Variants in CAST observed in about 807,000 individuals in gnomAD.
CAST encodes calpastatin.
In CAST, 76 loss-of-function variants were observed where a neutral mutation model predicts 119.6. That is an observed-to-expected ratio of 0.64 (90% CI 0.53 to 0.77). The LOEUF (loss-of-function observed/expected upper bound fraction) is 0.77, where lower values mean the gene tolerates loss of function less well. Among genes scored for constraint, CAST ranks in the 30% least tolerant of loss-of-function variants. The pLI is 0.00. For synonymous variants in CAST, 319 were observed against 331.6 expected, an observed-to-expected ratio of 0.96 and a Z score of 0.41; for missense variants, 953 against 946.5, an observed-to-expected ratio of 1.01 and a Z score of -0.09.
intron 1 of CAST, among the ~76,000 whole-genome samples, chr5:96,595,828 A>G (rs926448017): frequency 5.3e-5 from 8 of 152,258 alleles, no homozygotes; most frequent in African/African-American, 1.7e-4. Flanking sequence ...TCAACATAAC[A>G]TATTAGACCC....
the CAST span, among the ~76,000 whole-genome samples, chr5:96,310,944 A>G: frequency 2.0e-5 from 3 of 149,570 alleles, no homozygotes; most frequent in Admixed American, 6.7e-5. Context: ...CTGCTCTGAT[A>G]TGTATTATTT....
intron 1 of CAST, among the ~76,000 whole-genome samples, chr5:96,622,782 T>A (rs73134542): frequency 0.033 from 5,048 of 151,980 alleles, 293 homozygotes; most frequent in African/African-American, 0.11. Flanking sequence ...CTTAAGATTC[T>A]ATTTACAGTT....
chr5:96,212,250 A>G, the CAST span, among the ~76,000 whole-genome samples: 7 of 152,086 alleles, frequency 4.6e-5, no homozygotes, highest in Non-Finnish European at 8.8e-5. Context: ...TCTCTGTTCT[A>G]ATGTAAGCAT....
intron 2 of CAST, among the ~76,000 whole-genome samples, chr5:96,687,856 T>G (rs1217702276): frequency 6.6e-6 from 1 of 152,206 alleles, no homozygotes; most frequent in Non-Finnish European, 1.5e-5. Flanking sequence ...CCTGTGTACT[T>G]TCTTAATACA....
At position 96,741,343 on chromosome 5, in the gene CAST, G is replaced by GAA; in HGVS notation, c.999_1000dup (p.Thr334LysfsTer11). On this transcript the variant is annotated frameshift_variant, in exon 14 of 32. Coordinates refer to ENST00000675179, the MANE Select transcript of CAST (RefSeq NM_001750.7). LOFTEE classifies it high-confidence loss of function. ...GTGGGTCGCCTACAGCTGCTGGAAA[G>GAA]AAAACTGAAAAAGAGGTATTGTTTT... The GAA allele has an allele frequency of 1.2e-6, 2 of 1,609,348 alleles. No homozygotes were observed. Among genetic ancestry groups the GAA allele is most frequent in the Non-Finnish European group, 1.7e-6 (2 of 1,175,836 alleles).
At chr5:96,431,590 C>G in the CAST span, among the ~76,000 whole-genome samples, 5 of 152,140 alleles carry the variant, frequency 3.3e-5, no homozygotes. Context: ...AAGGGCTGGC[C>G]AAAAGCAAAA....
At chr5:96,393,495 G>T in the CAST span, 1 of 1,219,860 alleles carries the variant, frequency 8.2e-7, no homozygotes, top group Non-Finnish European at 1.2e-6. Context: ...ATGAGGGGAG[G>T]GGAGAGAGTT....
At chr5:96,029,602 C>T in the CAST span, among the ~76,000 whole-genome samples, 27 of 152,154 alleles carry the variant, frequency 1.8e-4, no homozygotes, top group Middle Eastern at 6.8e-3. Context: ...ATCTTCCCAA[C>T]CAAAGAAAGA....
the CAST span, among the ~76,000 whole-genome samples, chr5:96,312,332 C>G: frequency 0.025 from 3,753 of 152,116 alleles, 167 homozygotes; most frequent in African/African-American, 0.086. Flanking sequence ...TCTAAGATAC[C>G]TCAGATTTCA....
the CAST span, among the ~76,000 whole-genome samples, chr5:96,160,182 G>A: frequency 6.6e-6 from 1 of 151,956 alleles, no homozygotes; most frequent in Admixed American, 6.6e-5. Flanking sequence ...TATATTCACA[G>A]AGTCATACAG....
chr5:96,663,936 T>C (rs549583003), intron 1 of CAST, among the ~76,000 whole-genome samples: 2 of 123,906 alleles, frequency 1.6e-5, no homozygotes, highest in Non-Finnish European at 3.2e-5. Context: ...TTAGATTGCT[T>C]TCCAAAAAAA....
chr5:96,168,342 T>A, the CAST span, among the ~76,000 whole-genome samples: 1 of 152,136 alleles, frequency 6.6e-6, no homozygotes, highest in South Asian at 2.1e-4. Flanking sequence ...CCTTGAGAAG[T>A]GTTTTTATTA....
chr5:96,366,762 G>T, the CAST span, among the ~76,000 whole-genome samples: 1 of 152,080 alleles, frequency 6.6e-6, no homozygotes, highest in East Asian at 1.9e-4. Context: ...GCTTCTTTAC[G>T]ATGGGTTCAA....
the CAST span, among the ~76,000 whole-genome samples, chr5:96,075,989 C>T: frequency 1.3e-5 from 2 of 152,184 alleles, no homozygotes; most frequent in Non-Finnish European, 2.9e-5. Flanking sequence ...TGCCTTCTTG[C>T]CTTTGGAGAA....
chr5:96,549,053 C>T (rs1746071739), intron 1 of CAST, among the ~76,000 whole-genome samples: 1 of 152,204 alleles, frequency 6.6e-6, no homozygotes, highest in African/African-American at 2.4e-5. Flanking sequence ...GACCTTCCAG[C>T]ACTCTCTACT....
At chr5:96,238,350 T>TTCTTCA in the CAST span, among the ~76,000 whole-genome samples, 1 of 78,708 alleles carries the variant, frequency 1.3e-5, no homozygotes. Context: ...CTTCTTCATC[T>TTCTTCA]TCATCTTCTT....
intron 1 of CAST, among the ~76,000 whole-genome samples, chr5:96,541,228 A>C (rs1189699991): frequency 6.6e-6 from 1 of 152,152 alleles, no homozygotes; most frequent in Non-Finnish European, 1.5e-5. Flanking sequence ...TTATAATCCA[A>C]TACTACTTTA....
chr5:96,296,029 T>C, the CAST span, among the ~76,000 whole-genome samples: 1 of 152,232 alleles, frequency 6.6e-6, no homozygotes, highest in Admixed American at 6.5e-5. Flanking sequence ...TGAACAGTTG[T>C]TACTTTTATA....
intron 3 of CAST, among the ~76,000 whole-genome samples, chr5:96,719,940 A>T (rs1413748001): frequency 6.6e-6 from 1 of 152,186 alleles, no homozygotes; most frequent in Non-Finnish European, 1.5e-5. Flanking sequence ...GCCTGTCTCA[A>T]CTATCCCCTG....
Sources: allele counts gnomAD v4.1 joint callset (sites outside exome capture counted in the v4.1 genomes callset), GRCh38; gene constraint gnomAD v4.1.1; transcripts MANE v1.5; gene names NCBI Gene and HGNC (gene_info 2026-07-23, HGNC 2026-07-21).